Variants in DENND1B observed in about 807,000 individuals in gnomAD.
DENND1B encodes DENN domain containing 1B.
A neutral mutation model predicts 90.1 loss-of-function variants in DENND1B; 59 were observed. The ratio of observed to expected loss-of-function variants is 0.65; its 90% CI spans 0.53 to 0.81. The LOEUF (loss-of-function observed/expected upper bound fraction) is 0.81, where lower values mean the gene tolerates loss of function less well. Ranked by LOEUF, DENND1B falls within the 40% of genes least tolerant of loss-of-function variation. DENND1B has a pLI of 0.00. For synonymous variants in DENND1B, 337 were observed against 324.6 expected (o/e 1.04, Z -0.41); for missense variants, 862 against 912.6 (o/e 0.94, Z 0.71).
At chr1:197,727,998 C>T (rs1047479470) in intron 2 of DENND1B, among the ~76,000 whole-genome samples, 1 of 152,022 alleles carries the variant, frequency 6.6e-6, no homozygotes. Flanking sequence ...AATGGATCGC[C>T]CCTACATATA....
intron 10 of DENND1B, among the ~76,000 whole-genome samples, chr1:197,625,568 T>C (rs1345761773): frequency 6.6e-6 from 1 of 151,950 alleles, no homozygotes; most frequent in Non-Finnish European, 1.5e-5. Flanking sequence ...TCATGCCAAA[T>C]TGTAAAGACC....
intron 2 of DENND1B, among the ~76,000 whole-genome samples, chr1:197,746,106 T>C (rs1385947891): frequency 6.6e-6 from 1 of 152,124 alleles, no homozygotes; most frequent in African/African-American, 2.4e-5. Flanking sequence ...GATAAGAAAG[T>C]ACAAGGCCAG....
rs879369341 is a variant in DENND1B at position 197,604,193 on chromosome 1, GT to G, written c.921+2879del. Among the ~76,000 whole-genome samples the G allele has an allele frequency of 3.2e-3, 444 of 139,522 alleles. 1 individual carries two copies. Among genetic ancestry groups the G allele is most frequent in the Admixed American group, 0.022 (299 of 13,842 alleles). The allele number at this position is 139,522 out of a possible 152,430, so 91.5% of individuals were successfully genotyped here. A position where few individuals can be genotyped will look rare whatever the true frequency, so the allele number is the denominator to read the frequency against. On this transcript the variant is annotated intron_variant, in intron 13 of 22. Coordinates refer to ENST00000620048, the MANE Select transcript of DENND1B (RefSeq NM_001195215.2). ...ATTAAAATCACTCCCAATAAAATATGTTTTTTTTTCTTTTAATGATCCAAAT... is the reference window on the plus strand; with the variant it reads ...ATTAAAATCACTCCCAATAAAATATGTTTTTTTTCTTTTAATGATCCAAAT...
At chr1:197,732,514 GAAT>G (rs1355387248) in intron 2 of DENND1B, among the ~76,000 whole-genome samples, 1 of 152,122 alleles carries the variant, frequency 6.6e-6, no homozygotes, top group Non-Finnish European at 1.5e-5. Context: ...AAGGGAATCG[GAAT>G]AATAGAAGAA....
chr1:197,621,614 C>A (rs1328911663), intron 10 of DENND1B, among the ~76,000 whole-genome samples: 2 of 151,298 alleles, frequency 1.3e-5, no homozygotes, highest in Non-Finnish European at 3.0e-5. Flanking sequence ...TTTCTTTGGG[C>A]TAGAATTACC....
chr1:197,753,603 TG>T (rs1436967606), intron 2 of DENND1B, among the ~76,000 whole-genome samples: 2 of 152,012 alleles, frequency 1.3e-5, no homozygotes, highest in Non-Finnish European at 2.9e-5. Flanking sequence ...ACCACTCTGG[TG>T]GGGGATGTTG....
chr1:197,618,725 G>GT (rs1186034424), intron 10 of DENND1B, among the ~76,000 whole-genome samples: 1 of 150,962 alleles, frequency 6.6e-6, no homozygotes, highest in Non-Finnish European at 1.5e-5. Flanking sequence ...GCTATAGTCT[G>GT]TATTTCAAGG....
intron 2 of DENND1B, among the ~76,000 whole-genome samples, chr1:197,724,558 A>G (rs1661459711): frequency 6.6e-6 from 1 of 152,112 alleles, no homozygotes; most frequent in Non-Finnish European, 1.5e-5. Flanking sequence ...CACTTGATCA[A>G]CTCAGGTCTT....
chr1:197,775,065 G>T, intron 1 of DENND1B, 74 bp downstream of exon 1: 3 of 1,054,552 alleles, frequency 2.8e-6, no homozygotes, highest in Non-Finnish European at 3.6e-6. Context: ...GCGGAGGCGC[G>T]GAGGAGCCGA....
chr1:197,739,530 C>A (rs193086748), intron 2 of DENND1B, among the ~76,000 whole-genome samples: 4 of 152,120 alleles, frequency 2.6e-5, no homozygotes, highest in Non-Finnish European at 5.9e-5. Context: ...TCTAAATAAC[C>A]CAACGGTCAA....
chr1:197,703,692 T>C (rs2102170652), intron 3 of DENND1B, among the ~76,000 whole-genome samples: 1 of 152,328 alleles, frequency 6.6e-6, no homozygotes, highest in South Asian at 2.1e-4. Flanking sequence ...TAAACTTCAA[T>C]CAATTTTGAT....
At chr1:197,732,056 C>T (rs971962606) in intron 2 of DENND1B, among the ~76,000 whole-genome samples, 5 of 152,158 alleles carry the variant, frequency 3.3e-5, no homozygotes, top group African/African-American at 9.7e-5. Context: ...CCATAGTGAA[C>T]AGAGGTAATG....
intron 3 of DENND1B, among the ~76,000 whole-genome samples, chr1:197,674,519 T>G (rs1655860342): frequency 6.6e-6 from 1 of 152,132 alleles, no homozygotes; most frequent in Non-Finnish European, 1.5e-5. Context: ...TGTACCACAG[T>G]CTAGCCATAG....
At chr1:197,555,706 C>T (rs1671656320) in intron 15 of DENND1B, among the ~76,000 whole-genome samples, 1 of 151,992 alleles carries the variant, frequency 6.6e-6, no homozygotes, top group African/African-American at 2.4e-5. Flanking sequence ...CAAAAAGTAA[C>T]AGATGTTAAC....
At position 197,509,888 on chromosome 1, in the gene DENND1B, T is replaced by G. The variant is rs1444195318; in HGVS notation, c.*572A>C. 1 of 152,100 alleles carries G rather than the reference T, an allele frequency of 6.6e-6. No homozygotes were observed. The highest frequency in any genetic ancestry group is 2.4e-5 in the African/African-American group (1 of 41,412). 9.4% of individuals were successfully genotyped at this position (152,100 alleles called of 1,614,324 possible). Reference sequence around the variant, plus strand: ...TTAAATATTTCCATTAAGAGAGCTTTTTAATCTTGAAAAGATGAATTTTGA... The same window carrying G: ...TTAAATATTTCCATTAAGAGAGCTTGTTAATCTTGAAAAGATGAATTTTGA... On this transcript the variant is annotated 3_prime_UTR_variant, in exon 23 of 23. Transcript: ENST00000620048.
At chr1:197,617,638 G>C in intron 11 of DENND1B, 21 bp downstream of exon 11, 1 of 1,570,290 alleles carries the variant, frequency 6.4e-7, no homozygotes, top group Non-Finnish European at 8.8e-7. Context: ...ACTTAAAGGA[G>C]TCTGGCAAAA....
intron 10 of DENND1B, among the ~76,000 whole-genome samples, chr1:197,642,480 A>C (rs886135846): frequency 1.2e-4 from 18 of 152,056 alleles, no homozygotes; most frequent in Admixed American, 9.8e-4. Flanking sequence ...AGAAAAAAAA[A>C]CTCTCATCTC....
intron 15 of DENND1B, among the ~76,000 whole-genome samples, chr1:197,566,688 T>TA (rs1387162180): frequency 2.0e-5 from 3 of 151,968 alleles, no homozygotes; most frequent in Non-Finnish European, 2.9e-5. Context: ...CAAAAACACT[T>TA]AAAGCATGAA....
chr1:197,664,903 T>A (rs1049459526), intron 5 of DENND1B, among the ~76,000 whole-genome samples: 1 of 152,120 alleles, frequency 6.6e-6, no homozygotes. Flanking sequence ...TCTTCCTTAT[T>A]GGAGTATTTC....
Sources: allele counts gnomAD v4.1 joint callset (sites outside exome capture counted in the v4.1 genomes callset), GRCh38; gene constraint gnomAD v4.1.1; transcripts MANE v1.5; gene names NCBI Gene and HGNC (gene_info 2026-07-23, HGNC 2026-07-21).